RTKN2: variants seen among roughly 807,000 people sequenced by gnomAD.
The protein encoded by RTKN2 is rhotekin 2, also known as rhotekin-2.
A neutral mutation model predicts 71.5 loss-of-function variants in RTKN2; 69 were observed. The ratio of observed to expected loss-of-function variants is 0.96; its 90% CI spans 0.79 to 1.18. The LOEUF (loss-of-function observed/expected upper bound fraction) is 1.18. Ranked by LOEUF, RTKN2 falls within the 50% of genes most tolerant of loss-of-function variation. The pLI is 0.00. For synonymous variants in RTKN2, 236 were observed against 236.5 expected, an observed-to-expected ratio of 1.00 and a Z score of 0.02; for missense variants, 724 against 719.7, an observed-to-expected ratio of 1.01 and a Z score of -0.07.
rs1841356001 is a variant in RTKN2 at position 62,197,649 on chromosome 10, A to G, written c.*259T>C. The G allele has an allele frequency of 1.7e-5, 21 of 1,262,474 alleles. 2 individuals carry two copies. In the South Asian group the frequency reaches 4.2e-4, roughly 26 times the overall value. The allele number at this position is 1,262,474 out of a possible 1,614,324, so 78.2% of individuals were successfully genotyped here. ...CTGCCTGGTACTAATTCAGGAATAA[A>G]TTAACCCTTCCAACAATTAGGATAT... On this transcript the variant is annotated 3_prime_UTR_variant, in exon 12 of 12. Coordinates refer to ENST00000373789, the MANE Select transcript of RTKN2 (RefSeq NM_145307.4).
At chr10:62,236,823 G>A (rs935159898) in intron 5 of RTKN2, among the ~76,000 whole-genome samples, 5 of 151,730 alleles carry the variant, frequency 3.3e-5, no homozygotes, top group South Asian at 4.1e-4. Context: ...GCTACAACAC[G>A]GATGAACTTG....
At chr10:62,241,326 C>T in intron 3 of RTKN2, 131 bp from the exon 4 acceptor site, 1 of 564,136 alleles carries the variant, frequency 1.8e-6, no homozygotes, top group Non-Finnish European at 3.2e-6. Context: ...TATTTAACAG[C>T]ACATTTTCTA....
chr10:62,222,594 T>G (rs1197279639), intron 7 of RTKN2, among the ~76,000 whole-genome samples: 1 of 152,180 alleles, frequency 6.6e-6, no homozygotes, highest in East Asian at 1.9e-4. Flanking sequence ...TTATTTTGCT[T>G]GGAGAAAATG....
At position 62,204,940 on chromosome 10, in the gene RTKN2, G is replaced by A. The variant is rs1430428848; in HGVS notation, c.1103C>T (p.Ala368Val). 6.2e-7 allele frequency: 1 copy of A among 1,604,672 alleles called. No individual in the cohort carries two copies. The highest frequency in any genetic ancestry group is 2.3e-5 in the East Asian group (1 of 44,236). Residue 368 changes from alanine to valine, a missense_variant, in exon 10 of 12, where the codon GCT becomes GTT. By Grantham distance (64) the Ala-to-Val change is moderately conservative (BLOSUM62 0). Transcript: ENST00000373789. ...GTCAACTGCAAAAATCTGAGTTATAGCTTGTCCAGGAACAGGATTGATGAC... is the reference window on the plus strand; with the variant it reads ...GTCAACTGCAAAAATCTGAGTTATAACTTGTCCAGGAACAGGATTGATGAC... ...FSVINPVPGQ[A>V]ITQIFAVDNR... is the part of the protein sequence containing the mutation.
chr10:62,188,725 C>CTA (rs1054262268), downstream of RTKN2, among the ~76,000 whole-genome samples: 6 of 151,232 alleles, frequency 4.0e-5, no homozygotes, highest in Non-Finnish European at 5.9e-5. Context: ...ACTATATTTT[C>CTA]TATATATATA....
intron 9 of RTKN2, among the ~76,000 whole-genome samples, chr10:62,210,918 G>A (rs149375274): frequency 1.8e-4 from 28 of 152,140 alleles, no homozygotes; most frequent in African/African-American, 6.7e-4. Context: ...AATCCCATGT[G>A]CTTCATAATA....
chr10:62,217,128 G>C lies in RTKN2; in HGVS notation c.1010C>G (p.Pro337Arg). The change falls in exon 9 of 12, where the codon CCC (proline) becomes CGC (arginine). Residue 337 changes from proline to arginine, a missense_variant. Coordinates refer to ENST00000373789, the MANE Select transcript of RTKN2 (RefSeq NM_145307.4). ...EAKVEPALVVPINKETRIRAM... is the reference protein window; with the variant it reads ...EAKVEPALVVRINKETRIRAM... Reference sequence around the variant, plus strand: ...TAGCATTTCCTTTACCTTGTTAATGGGTACTACCAAAGCTGGTTCCACTTT... The same window carrying C: ...TAGCATTTCCTTTACCTTGTTAATGCGTACTACCAAAGCTGGTTCCACTTT... The C allele has an allele frequency of 1.3e-6, 2 of 1,566,058 alleles. No individual in the cohort carries two copies. Among genetic ancestry groups the C allele is most frequent in the East Asian group, 2.3e-5 (1 of 43,662 alleles).
chr10:62,226,355 C>T (rs952370429), intron 6 of RTKN2, among the ~76,000 whole-genome samples: 2 of 152,150 alleles, frequency 1.3e-5, no homozygotes, highest in Admixed American at 6.5e-5. Context: ...GCAATGTATG[C>T]ATGCACTTCA....
At position 62,194,741 on chromosome 10, in the gene RTKN2, A is replaced by T. The variant is rs907148423; in HGVS notation, c.*3167T>A. 6 of 985,316 alleles carry T rather than the reference A, an allele frequency of 6.1e-6. No individual in the cohort carries two copies. The highest frequency in any genetic ancestry group is 7.2e-6 in the Non-Finnish European group (6 of 829,920). The allele number at this position is 985,316 out of a possible 1,614,324, so 61.0% of individuals were successfully genotyped here. A position where few individuals can be genotyped will look rare whatever the true frequency, so the allele number is the denominator to read the frequency against. On this transcript the variant is annotated 3_prime_UTR_variant, in exon 12 of 12. Transcript: ENST00000373789. ...GAGGTGCTGAACATAAGCCTAAAGA[A>T]ATACTTGACTGCTTAACCTACCTTA...
intron 6 of RTKN2, among the ~76,000 whole-genome samples, chr10:62,226,374 T>C (rs182097450): frequency 1.2e-3 from 190 of 152,322 alleles, no homozygotes; most frequent in African/African-American, 4.2e-3. Context: ...CAATAAATAA[T>C]AGCATACTTC....
chr10:62,216,266 C>T lies in RTKN2; in HGVS notation c.1020+852G>A, dbSNP rs1589347205. On this transcript the variant is annotated intron_variant, in intron 9 of 11. Coordinates refer to ENST00000373789, the MANE Select transcript of RTKN2 (RefSeq NM_145307.4). ...AAGACAAGGAGAACAAATGTGATGG[C>T]TCATGTTTTATCACACACTTCAACT... Among the ~76,000 whole-genome samples the T allele has an allele frequency of 1.3e-5, 2 of 152,038 alleles. 1 individual carries two copies. The highest frequency in any genetic ancestry group is 2.9e-5 in the Non-Finnish European group (2 of 67,876).
At chr10:62,217,941 T>C (rs1440419672) in intron 8 of RTKN2, among the ~76,000 whole-genome samples, 1 of 152,118 alleles carries the variant, frequency 6.6e-6, no homozygotes, top group African/African-American at 2.4e-5. Context: ...GATTATCCTG[T>C]TGCTGCTATT....
At chr10:62,246,079 T>A (rs368503161) in intron 2 of RTKN2, 22 bp from the exon 3 acceptor site, 6 of 1,499,132 alleles carry the variant, frequency 4.0e-6, no homozygotes, top group Non-Finnish European at 5.5e-6. Flanking sequence ...AAAAAACTTA[T>A]GGAAAAAAGA....
intron 3 of RTKN2, among the ~76,000 whole-genome samples, chr10:62,245,687 A>C (rs1171807012): frequency 6.6e-6 from 1 of 152,168 alleles, no homozygotes. Flanking sequence ...CAGAGTCAAA[A>C]GACTTGGGTT....
chr10:62,211,655 A>G (rs534269191), intron 9 of RTKN2, among the ~76,000 whole-genome samples: 1 of 152,170 alleles, frequency 6.6e-6, no homozygotes, highest in African/African-American at 2.4e-5. Flanking sequence ...AAAAACTAAA[A>G]GAGAAACACT....
chr10:62,233,656 AATCT>A (rs1842197506), intron 6 of RTKN2, among the ~76,000 whole-genome samples: 1 of 152,178 alleles, frequency 6.6e-6, no homozygotes, highest in Non-Finnish European at 1.5e-5. Context: ...TACTTCATAA[AATCT>A]ATCTGCTTAC....
chr10:62,255,178 T>C (rs796508501), intron 2 of RTKN2, among the ~76,000 whole-genome samples: 36 of 152,312 alleles, frequency 2.4e-4, no homozygotes, highest in African/African-American at 8.4e-4. Context: ...TTATTGTCAG[T>C]AATAATATTG....
At chr10:62,223,372 A>G (rs1564511583) in intron 6 of RTKN2, 40 bp from the exon 7 acceptor site, 2 of 1,178,330 alleles carry the variant, frequency 1.7e-6, no homozygotes. Flanking sequence ...GTATTTTTGT[A>G]TTTCTACTAC....
At chr10:62,242,987 T>A (rs1428679011) in intron 3 of RTKN2, among the ~76,000 whole-genome samples, 1 of 152,080 alleles carries the variant, frequency 6.6e-6, no homozygotes, top group Non-Finnish European at 1.5e-5. Flanking sequence ...CTTTTTAAAT[T>A]TTATTATTAT....
Sources: gnomAD v4.1 joint callset for allele counts (sites outside exome capture counted in the v4.1 genomes callset) on GRCh38, gnomAD v4.1.1 for gene constraint, MANE v1.5 for transcripts, NCBI Gene and HGNC (gene_info 2026-07-23, HGNC 2026-07-21) for gene names.